The following DENND1B variants were observed in gnomAD, a reference collection of about 807,000 sequenced individuals.
DENND1B encodes DENN domain-containing protein 1B.
Under a neutral mutation model 90.1 loss-of-function variants are expected in DENND1B, and 59 were observed. The ratio of observed to expected loss-of-function variants is 0.65; its 90% CI spans 0.53 to 0.81. The LOEUF (loss-of-function observed/expected upper bound fraction) is 0.81. DENND1B is among the 40% of genes least tolerant of loss of function. The probability of loss-of-function intolerance (pLI) is 0.00; values close to 1 mark genes in which losing one functional copy is unlikely to be tolerated. For missense variants in DENND1B, 862 were observed against 912.6 expected (o/e 0.94, Z 0.71); for synonymous variants, 337 against 324.6 (o/e 1.04, Z -0.41).
At chr1:197,751,870 AAGGAGG>A in intron 2 of DENND1B, among the ~76,000 whole-genome samples, 1 of 141,722 alleles carries the variant, frequency 7.1e-6, no homozygotes, top group Admixed American at 7.0e-5. Context: ...GCAGGGGAAG[AAGGAGG>A]AGGAGGAGGA....
intron 3 of DENND1B, among the ~76,000 whole-genome samples, chr1:197,698,603 C>CA (rs143463140): frequency 5.5e-4 from 83 of 149,576 alleles, no homozygotes; most frequent in South Asian, 4.0e-3. Flanking sequence ...AAAAACTCAC[C>CA]AAAAAAAAAA....
intron 7 of DENND1B, among the ~76,000 whole-genome samples, chr1:197,649,939 A>G (rs1652929385): frequency 6.6e-6 from 1 of 152,236 alleles, no homozygotes; most frequent in East Asian, 1.9e-4. Context: ...GACAACACAT[A>G]GAATGGGAGA....
At chr1:197,685,810 A>G (rs1657176267) in intron 3 of DENND1B, 1 of 152,138 alleles carries the variant, frequency 6.6e-6, no homozygotes, top group African/African-American at 2.4e-5. Context: ...TCCAAATAGA[A>G]ATATTGGGAG....
intron 10 of DENND1B, among the ~76,000 whole-genome samples, chr1:197,627,687 G>A (rs1473430512): frequency 1.3e-5 from 2 of 151,974 alleles, no homozygotes; most frequent in Non-Finnish European, 2.9e-5. Context: ...AGGGCAATTA[G>A]GCAGGGGAAG....
chr1:197,677,830 T>C (rs2125993436), intron 3 of DENND1B, among the ~76,000 whole-genome samples: 1 of 152,286 alleles, frequency 6.6e-6, no homozygotes, highest in South Asian at 2.1e-4. Flanking sequence ...GACTGTTTAA[T>C]TCAACAGCTA....
In DENND1B at chr1:197,773,095, T is replaced by C. The variant is rs1440277410; in HGVS notation, c.18-163A>G. The C allele has an allele frequency of 3.0e-5, 20 of 672,678 alleles. 1 individual carries two copies. The East Asian group carries it at 5.7e-4, about 19-fold the overall frequency. The allele number at this position is 672,678 out of a possible 1,614,324, so 41.7% of individuals were successfully genotyped here. On this transcript the variant is annotated intron_variant, in intron 1 of 22. Transcript: ENST00000620048. ...ATAACAATGAAACTGTTTTCTCAATTGAGCAACTTAAAAGAGCTGAGACTT... is the reference window on the plus strand; with the variant it reads ...ATAACAATGAAACTGTTTTCTCAATCGAGCAACTTAAAAGAGCTGAGACTT...
At chr1:197,721,570 T>C (rs567284659) in intron 2 of DENND1B, among the ~76,000 whole-genome samples, 1 of 152,192 alleles carries the variant, frequency 6.6e-6, no homozygotes, top group African/African-American at 2.4e-5. Context: ...ATCTGGGCCA[T>C]AAAGTGGGCA....
chr1:197,555,811 CT>C (rs1378760682), intron 15 of DENND1B, among the ~76,000 whole-genome samples: 2 of 152,046 alleles, frequency 1.3e-5, no homozygotes, highest in African/African-American at 2.4e-5. Context: ...TCTCAAAGAA[CT>C]AAAAATAGAA....
At chr1:197,765,016 T>C (rs1459348435) in intron 2 of DENND1B, among the ~76,000 whole-genome samples, 2 of 152,216 alleles carry the variant, frequency 1.3e-5, no homozygotes, top group Non-Finnish European at 2.9e-5. Context: ...ATTCCCTCCA[T>C]ACTCCATGGG....
intron 12 of DENND1B, among the ~76,000 whole-genome samples, chr1:197,611,057 T>C (rs1360466447): frequency 1.3e-5 from 2 of 150,646 alleles, no homozygotes; most frequent in Non-Finnish European, 3.0e-5. Flanking sequence ...TTGATCAAAG[T>C]AAGGACTGAT....
rs1239932282 is a variant in DENND1B at position 197,540,004 on chromosome 1, T to C, written c.1475A>G (p.Asn492Ser). The change falls in exon 20 of 23, where the codon AAT becomes AGT. Residue 492 changes from asparagine (N) to serine (S), a missense_variant. Transcript: ENST00000620048. ...VQYTPVYKLHNEKGGNSEKRK... is the reference protein window; with the variant it reads ...VQYTPVYKLHSEKGGNSEKRK... Reference sequence around the variant, plus strand: ...CTTTTCTGAGTTTCCTCCCTTTTCATTGTGTAATTTGTAAACTGGTGTATA... The same window carrying C: ...CTTTTCTGAGTTTCCTCCCTTTTCACTGTGTAATTTGTAAACTGGTGTATA... 1.9e-6 allele frequency: 3 copies of C among 1,613,482 alleles called. No individual in the cohort carries two copies. The highest frequency in any genetic ancestry group is 1.3e-5 in the African/African-American group (1 of 75,036).
intron 3 of DENND1B, among the ~76,000 whole-genome samples, chr1:197,696,944 G>A (rs895373051): frequency 1.3e-5 from 2 of 150,658 alleles, no homozygotes; most frequent in African/African-American, 4.9e-5. Flanking sequence ...CATATAAGAA[G>A]CTACGGAAGT....
chr1:197,772,368 A>G (rs916808351), intron 2 of DENND1B, among the ~76,000 whole-genome samples: 13 of 152,220 alleles, frequency 8.5e-5, no homozygotes, highest in Non-Finnish European at 1.8e-4. Flanking sequence ...CATGATTTTT[A>G]CAATCCCAGG....
intron 3 of DENND1B, among the ~76,000 whole-genome samples, chr1:197,685,287 C>G (rs1657118126): frequency 6.6e-6 from 1 of 152,036 alleles, no homozygotes; most frequent in Non-Finnish European, 1.5e-5. Context: ...ATCTTAAGCT[C>G]AGGATTGGGA....
chr1:197,552,710 T>C, intron 16 of DENND1B: 1 of 1,122,962 alleles, frequency 8.9e-7, no homozygotes, highest in East Asian at 6.6e-5. Flanking sequence ...CAGAGAATAC[T>C]ACTATTCAGA....
intron 15 of DENND1B, among the ~76,000 whole-genome samples, chr1:197,579,272 T>C (rs1673981963): frequency 6.6e-6 from 1 of 152,192 alleles, no homozygotes; most frequent in Non-Finnish European, 1.5e-5. Context: ...AATGTCCTCA[T>C]GTCACTCATA....
intron 7 of DENND1B, among the ~76,000 whole-genome samples, chr1:197,648,821 A>G (rs1194665957): frequency 6.6e-6 from 1 of 152,180 alleles, no homozygotes; most frequent in African/African-American, 2.4e-5. Context: ...TTGGGCAATT[A>G]GAACTTAGCC....
intron 2 of DENND1B, among the ~76,000 whole-genome samples, chr1:197,740,611 C>T (rs1663126162): frequency 6.6e-6 from 1 of 152,012 alleles, no homozygotes; most frequent in African/African-American, 2.4e-5. Context: ...AGTTGAAGAA[C>T]TAAACAATAA....
At chr1:197,721,335 C>T (rs1009915309) in intron 2 of DENND1B, among the ~76,000 whole-genome samples, 7 of 151,998 alleles carry the variant, frequency 4.6e-5, no homozygotes, top group African/African-American at 1.7e-4. Context: ...TCCCAAAGTG[C>T]TGGGATTACA....
Sources: allele counts gnomAD v4.1 joint callset (sites outside exome capture counted in the v4.1 genomes callset), GRCh38; gene constraint gnomAD v4.1.1; transcripts MANE v1.5; gene names NCBI Gene and HGNC (gene_info 2026-07-23, HGNC 2026-07-21).